PRSS12: variants seen among roughly 807,000 people sequenced by gnomAD.
PRSS12 encodes the protein neurotrypsin.
Under a neutral mutation model 104.4 loss-of-function variants are expected in PRSS12, and 85 were observed. The observed-to-expected ratio is 0.81, with a 90% CI of 0.68 to 0.98. The LOEUF (loss-of-function observed/expected upper bound fraction) is 0.98, where lower values mean the gene tolerates loss of function less well. Ranked by LOEUF, PRSS12 falls within the 50% of genes least tolerant of loss-of-function variation. The pLI, the probability that PRSS12 is intolerant of heterozygous loss-of-function variation, is 0.00. For missense variants in PRSS12, 1,141 were observed against 1,139.2 expected (o/e 1.00, Z -0.02); for synonymous variants, 454 against 425.2 (o/e 1.07, Z -0.83).
chr4:118,345,027 C>T (rs1028973106), intron 1 of PRSS12, among the ~76,000 whole-genome samples: 3 of 152,150 alleles, frequency 2.0e-5, no homozygotes, highest in Admixed American at 6.5e-5. Context: ...AATGAAAATG[C>T]TTATTATTCT....
chr4:118,292,061 GT>G (rs910560826), intron 11 of PRSS12, among the ~76,000 whole-genome samples: 171 of 146,786 alleles, frequency 1.2e-3, no homozygotes, highest in Non-Finnish European at 1.3e-3. Flanking sequence ...ATGTATCCTA[GT>G]TTTTTTTTTA....
intron 1 of PRSS12, among the ~76,000 whole-genome samples, chr4:118,339,985 C>G (rs1171890081): frequency 3.3e-5 from 5 of 152,094 alleles, no homozygotes; most frequent in Admixed American, 3.3e-4. Flanking sequence ...GAAGATAGTT[C>G]TAGTAATGAA....
intron 3 of PRSS12, among the ~76,000 whole-genome samples, chr4:118,333,419 A>G (rs901259216): frequency 1.3e-5 from 2 of 152,202 alleles, no homozygotes; most frequent in Non-Finnish European, 2.9e-5. Flanking sequence ...GTAAGCACTC[A>G]TATTTGAGTT....
intron 3 of PRSS12, among the ~76,000 whole-genome samples, chr4:118,333,650 T>C (rs1404359195): frequency 6.6e-6 from 1 of 152,180 alleles, no homozygotes; most frequent in African/African-American, 2.4e-5. Flanking sequence ...TCCCCACCTG[T>C]TAAGCTTGGA....
intron 1 of PRSS12, among the ~76,000 whole-genome samples, chr4:118,343,474 G>A (rs1724268196): frequency 6.6e-6 from 1 of 151,980 alleles, no homozygotes; most frequent in Non-Finnish European, 1.5e-5. Flanking sequence ...AAAGAAATAG[G>A]AGAAAAGGAA....
At chr4:118,306,437 T>A (rs927708415) in intron 8 of PRSS12, among the ~76,000 whole-genome samples, 1 of 152,194 alleles carries the variant, frequency 6.6e-6, no homozygotes, top group Non-Finnish European at 1.5e-5. Context: ...GGGGCTGGCA[T>A]CTGCTTGGCT....
At chr4:118,334,113 G>A (rs749641842) in intron 3 of PRSS12, among the ~76,000 whole-genome samples, 8 of 152,080 alleles carry the variant, frequency 5.3e-5, no homozygotes, top group African/African-American at 1.7e-4. Flanking sequence ...CTCAATGTTC[G>A]CTGATTTCAG....
intron 7 of PRSS12, among the ~76,000 whole-genome samples, chr4:118,310,098 C>T (rs190286777): frequency 1.3e-5 from 2 of 152,274 alleles, no homozygotes; most frequent in African/African-American, 4.8e-5. Context: ...TTAGCTGTGT[C>T]ATAAAACACA....
At chr4:118,287,302 T>G (rs1000880090) in intron 11 of PRSS12, among the ~76,000 whole-genome samples, 1 of 152,126 alleles carries the variant, frequency 6.6e-6, no homozygotes, top group Non-Finnish European at 1.5e-5. Flanking sequence ...CATGCCACCA[T>G]GCTCACTAAT....
At chr4:118,304,444 A>G (rs1302995692) in intron 8 of PRSS12, among the ~76,000 whole-genome samples, 2 of 152,050 alleles carry the variant, frequency 1.3e-5, no homozygotes, top group Admixed American at 1.3e-4. Context: ...TATACCAGAA[A>G]TTAAGTCCTT....
intron 8 of PRSS12, among the ~76,000 whole-genome samples, chr4:118,301,517 C>T (rs1265520707): frequency 1.3e-5 from 2 of 152,040 alleles, no homozygotes; most frequent in African/African-American, 4.8e-5. Context: ...CCCTCCCCAC[C>T]CCATATGCAC....
intron 4 of PRSS12, among the ~76,000 whole-genome samples, chr4:118,324,784 C>T (rs1172005308): frequency 1.3e-5 from 2 of 152,066 alleles, no homozygotes; most frequent in African/African-American, 4.8e-5. Context: ...ACAATCTCAG[C>T]TCACTGCAAT....
intron 5 of PRSS12, among the ~76,000 whole-genome samples, chr4:118,316,652 T>C (rs1195258449): frequency 6.6e-6 from 1 of 151,702 alleles, no homozygotes; most frequent in Admixed American, 6.6e-5. Context: ...TGAAACCCTG[T>C]CTCTACTAAA....
At chr4:118,298,406 C>T (rs990138357) in intron 9 of PRSS12, among the ~76,000 whole-genome samples, 1 of 151,976 alleles carries the variant, frequency 6.6e-6, no homozygotes, top group Non-Finnish European at 1.5e-5. Flanking sequence ...AAGTCATTAT[C>T]AATTCTGAAT....
In PRSS12 at chr4:118,280,298, T is replaced by C. The variant is rs1225220595; in HGVS notation, c.*1638A>G. On this transcript the variant is annotated 3_prime_UTR_variant, in exon 13 of 13. Coordinates refer to ENST00000296498, the MANE Select transcript of PRSS12 (RefSeq NM_003619.4). ...TCAATAGACATTTTTCTCACCTATA[T>C]TGCACGTTTTTCTGAAGCCCTTGTG... 16 of 152,348 alleles carry C rather than the reference T, an allele frequency of 1.1e-4. No homozygotes were observed. The highest frequency in any genetic ancestry group is 9.8e-4 in the Admixed American group (15 of 15,300). 9.4% of individuals were successfully genotyped at this position (152,348 alleles called of 1,614,324 possible). A position where few individuals can be genotyped will look rare whatever the true frequency, so the allele number is the denominator to read the frequency against.
At chr4:118,349,053 C>A (rs1170878464) in intron 1 of PRSS12, among the ~76,000 whole-genome samples, 2 of 151,906 alleles carry the variant, frequency 1.3e-5, no homozygotes, top group African/African-American at 4.8e-5. Flanking sequence ...ACATCCACGC[C>A]CAGCCCTGGC....
Position 118,318,275 on chromosome 4 carries a change from T to C in PRSS12, c.1150+103A>G. On this transcript the variant is annotated intron_variant, in intron 5 of 12. Coordinates refer to ENST00000296498, the MANE Select transcript of PRSS12 (RefSeq NM_003619.4). ...TTGTTTTATTTGGTGTATTTATTTG[T>C]ATGCTCATTTGGTAATGTTGAAATT... is the stretch of plus-strand genomic sequence containing the variant. 3.6e-6 allele frequency: 4 copies of C among 1,097,072 alleles called. 1 individual carries two copies. In the South Asian group the frequency reaches 5.8e-5, roughly 16 times the overall value. The allele number at this position is 1,097,072 out of a possible 1,614,324, so 68.0% of individuals were successfully genotyped here.
chr4:118,311,676 G>C (rs939028780), intron 7 of PRSS12, among the ~76,000 whole-genome samples: 1 of 152,120 alleles, frequency 6.6e-6, no homozygotes, highest in Non-Finnish European at 1.5e-5. Context: ...GAACCAAAGA[G>C]ATTCATAATA....
In PRSS12 at chr4:118,296,268, T is replaced by C. The variant is rs910119500; in HGVS notation, c.1838-412A>G. On this transcript the variant is annotated intron_variant, in intron 9 of 12. Transcript: ENST00000296498. ...TTTCCACATGCAAGACTGTTCTAAG[T>C]CACATAAAAAAATGTAACTCAGAAG... is the stretch of plus-strand genomic sequence containing the variant. Among the ~76,000 whole-genome samples the C allele has an allele frequency of 3.9e-5, 6 of 152,170 alleles. No homozygotes were observed. The South Asian group carries it at 6.2e-4, about 16-fold the overall frequency.
Sources: allele counts gnomAD v4.1 joint callset (sites outside exome capture counted in the v4.1 genomes callset), GRCh38; gene constraint gnomAD v4.1.1; transcripts MANE v1.5; gene names NCBI Gene and HGNC (gene_info 2026-07-23, HGNC 2026-07-21).